Variants in MLLT1 observed in about 807,000 individuals in gnomAD.
The protein encoded by MLLT1 is protein ENL.
Under a neutral mutation model 55.1 loss-of-function variants are expected in MLLT1, and 11 were observed. The ratio of observed to expected loss-of-function variants is 0.20; its 90% CI spans 0.13 to 0.33. The LOEUF (loss-of-function observed/expected upper bound fraction) is 0.33, where lower values mean the gene tolerates loss of function less well. Ranked by LOEUF, MLLT1 falls within the 10% of genes least tolerant of loss-of-function variation. The probability of loss-of-function intolerance (pLI) is 1.00; values close to 1 mark genes in which losing one functional copy is unlikely to be tolerated. For synonymous variants in MLLT1, 323 were observed against 320.1 expected (o/e 1.01, Z -0.10); for missense variants, 536 against 760.6 (o/e 0.70, Z 3.47).
In MLLT1 at chr19:6,279,863, G is replaced by A. The variant is rs2091449742; in HGVS notation, c.-79C>T. ...CGCCGCCGCCGCTCAACGCCGCCCC[G>A]CCGCCCTCATTGTCTGTCAAGCGCC... is the stretch of plus-strand genomic sequence containing the variant. On this transcript the variant is annotated 5_prime_UTR_variant, in exon 1 of 12. Transcript: ENST00000252674. 6.7e-6 allele frequency: 1 copy of A among 149,106 alleles called. No homozygotes were observed. The highest frequency in any genetic ancestry group is 1.4e-5 in the Non-Finnish European group (1 of 72,130). The allele number at this position is 149,106 out of a possible 1,614,324, so 9.2% of individuals were successfully genotyped here.
chr19:6,276,998 T>C (rs186801406), intron 1 of MLLT1, among the ~76,000 whole-genome samples: 194 of 152,326 alleles, frequency 1.3e-3, no homozygotes, highest in Middle Eastern at 6.8e-3. Context: ...AGCCAGCGAC[T>C]GGGCGGAAAG....
At chr19:6,277,317 T>A (rs1182729425) in intron 1 of MLLT1, among the ~76,000 whole-genome samples, 1 of 152,170 alleles carries the variant, frequency 6.6e-6, no homozygotes, top group Non-Finnish European at 1.5e-5. Flanking sequence ...GCAGCTTCCC[T>A]TGCAAACACT....
chr19:6,254,338 T>C (rs1218231028), intron 3 of MLLT1, among the ~76,000 whole-genome samples: 1 of 152,216 alleles, frequency 6.6e-6, no homozygotes, highest in African/African-American at 2.4e-5. Flanking sequence ...TGGCCATTAC[T>C]GAATCGCACT....
chr19:6,269,735 G>A (rs113734100), intron 2 of MLLT1, among the ~76,000 whole-genome samples: 9,838 of 152,262 alleles, frequency 0.065, 414 homozygotes, highest in Non-Finnish European at 0.097. Flanking sequence ...CCGTATTGCA[G>A]GGTAGAGGGG....
At position 6,212,206 on chromosome 19, in the gene MLLT1, G is replaced by A. The variant is rs539352598; in HGVS notation, c.*836C>T. ...AGTAGAGCCCGAGAGCAGACTGGTG[G>A]CTCCCGGGCGCCCTGAGGACTCGCT... On this transcript the variant is annotated 3_prime_UTR_variant, in exon 12 of 12. Coordinates refer to ENST00000252674, the MANE Select transcript of MLLT1 (RefSeq NM_005934.4). 1 of 1,066,250 alleles carries A rather than the reference G, an allele frequency of 9.4e-7. No individual in the cohort carries two copies. The highest frequency in any genetic ancestry group is 4.6e-5 in the South Asian group (1 of 21,978). 66.0% of individuals were successfully genotyped at this position (1,066,250 alleles called of 1,614,324 possible). A position where few individuals can be genotyped will look rare whatever the true frequency, so the allele number is the denominator to read the frequency against.
rs944574832 is a variant in MLLT1 at position 6,222,855 on chromosome 19, C to T, written c.547-171G>A. ...GGTAAGGCAGTAGGTGAGAGTTTTA[C>T]ATGGAGCTGTCCCTTTAAACTACTA... On this transcript the variant is annotated intron_variant, in intron 5 of 11. Coordinates refer to ENST00000252674, the MANE Select transcript of MLLT1 (RefSeq NM_005934.4). This position sits in a 1 kb window ranked among gnomAD's most constrained non-coding sequence, Gnocchi z 4.1. 6.6e-6 allele frequency among the ~76,000 whole-genome samples: 1 copy of T among 152,228 alleles called. No individual in the cohort carries two copies. The highest frequency in any genetic ancestry group is 1.5e-5 in the Non-Finnish European group (1 of 68,032).
Position 6,235,304 on chromosome 19 carries a change from G to T in MLLT1, c.277-4591C>A, listed in dbSNP as rs1007087403. ...GGCATCCTCGTGCAGAAAGCCTGGG[G>T]CCTGAGGGACACCAGCAGGAGCCTG... On this transcript the variant is annotated intron_variant, in intron 3 of 11. Coordinates refer to ENST00000252674, the MANE Select transcript of MLLT1 (RefSeq NM_005934.4). This position sits in a 1 kb window ranked among gnomAD's most constrained non-coding sequence, Gnocchi z 5.5. 4.6e-5 allele frequency among the ~76,000 whole-genome samples: 7 copies of T among 152,214 alleles called. No homozygotes were observed. The highest frequency in any genetic ancestry group is 8.8e-5 in the Non-Finnish European group (6 of 68,028).
At position 6,211,593 on chromosome 19, in the gene MLLT1, C is replaced by T. The variant is rs1291447283; in HGVS notation, c.*1449G>A. ...AGGTGGGTTCGAGGGGGTGCGAGCC[C>T]ACCTCCAGGCCCTCAGCCCTCTTTT... On this transcript the variant is annotated 3_prime_UTR_variant, in exon 12 of 12. Transcript: ENST00000252674. The surrounding 1 kb of genome is among the most constrained non-coding windows in gnomAD (Gnocchi z 4.6). 1 of 1,065,316 alleles carries T rather than the reference C, an allele frequency of 9.4e-7. No homozygotes were observed. Among genetic ancestry groups the T allele is most frequent in the East Asian group, 5.0e-5 (1 of 20,088 alleles). 66.0% of individuals were successfully genotyped at this position (1,065,316 alleles called of 1,614,324 possible).
chr19:6,253,208 T>C (rs2091232852), intron 3 of MLLT1, among the ~76,000 whole-genome samples: 2 of 128,058 alleles, frequency 1.6e-5, no homozygotes, highest in Middle Eastern at 5.8e-3. Context: ...GAGCTTGCAG[T>C]GAGCCAAGAT....
chr19:6,242,195 C>T (rs1211501564), intron 3 of MLLT1, among the ~76,000 whole-genome samples: 3 of 152,196 alleles, frequency 2.0e-5, no homozygotes, highest in Non-Finnish European at 4.4e-5. Context: ...CCATATAGGG[C>T]AGCATTTGCA....
rs146185055 is a variant in MLLT1, at chr19:6,212,035, C to T, written c.*1007G>A. 589 of 1,066,028 alleles carry T rather than the reference C, an allele frequency of 5.5e-4. 2 individuals are homozygous for T. The African/African-American group carries it at 8.5e-3, about 15-fold the overall frequency. 66.0% of individuals were successfully genotyped at this position (1,066,028 alleles called of 1,614,324 possible). On this transcript the variant is annotated 3_prime_UTR_variant, in exon 12 of 12. Transcript: ENST00000252674. ...AATGCGCCTCAGAAAACTCCATAAACTATCCCGTCTTATTTGGCAAAAGCT... is the reference window on the plus strand; with the variant it reads ...AATGCGCCTCAGAAAACTCCATAAATTATCCCGTCTTATTTGGCAAAAGCT...
At chr19:6,247,135 C>T (rs1203582460) in intron 3 of MLLT1, among the ~76,000 whole-genome samples, 1 of 152,064 alleles carries the variant, frequency 6.6e-6, no homozygotes, top group Non-Finnish European at 1.5e-5. Flanking sequence ...CTCAGAGGAA[C>T]GTACGTTTGT....
Position 6,216,494 on chromosome 19 carries a change from C to A in MLLT1, c.1218G>T (p.Val406=). 3 of 1,600,948 alleles carry A rather than the reference C, an allele frequency of 1.9e-6. No individual in the cohort carries two copies. The highest frequency in any genetic ancestry group is 1.7e-6 in the Non-Finnish European group (2 of 1,174,692). ...CGGACTCCTCGGACTGCAGGTCCTCCACCATGGAGCGCAGGGGTCCTGGGG... is the reference window on the plus strand; with the variant it reads ...CGGACTCCTCGGACTGCAGGTCCTCAACCATGGAGCGCAGGGGTCCTGGGG... ...NHSQGPLRSM[V]EDLQSEESDE... Residue 406 remains valine (V), a synonymous_variant, in exon 8 of 12, where the codon GTG becomes GTT. Coordinates refer to ENST00000252674, the MANE Select transcript of MLLT1 (RefSeq NM_005934.4).
chr19:6,261,538 C>T (rs1395974104), intron 3 of MLLT1, among the ~76,000 whole-genome samples: 5 of 151,674 alleles, frequency 3.3e-5, no homozygotes, highest in East Asian at 1.9e-4. Context: ...GGAAAGCAGC[C>T]GGCCATGGAC....
At chr19:6,224,753 G>A (rs990786881) in intron 5 of MLLT1, among the ~76,000 whole-genome samples, 4 of 152,164 alleles carry the variant, frequency 2.6e-5, no homozygotes, top group Admixed American at 6.5e-5. Flanking sequence ...GTTTTGAGAC[G>A]GAGTCTTGTT....
chr19:6,218,124 A>G (rs1359378584), intron 6 of MLLT1, 83 bp from the exon 7 acceptor site: 17 of 1,512,762 alleles, frequency 1.1e-5, no homozygotes, highest in Non-Finnish European at 1.5e-5. Context: ...GCCCCCTGGC[A>G]GCAGCTACGC....
rs570005973 is a variant in MLLT1, at chr19:6,229,870, G to A, written c.420+700C>T. ...ACATGACACACCACACACCGCACAC[G>A]ACACACAACACGCCACCCCAGCCCG... is the stretch of plus-strand genomic sequence containing the variant. On this transcript the variant is annotated intron_variant, in intron 4 of 11. Coordinates refer to ENST00000252674, the MANE Select transcript of MLLT1 (RefSeq NM_005934.4). The surrounding 1 kb of genome is among the most constrained non-coding windows in gnomAD (Gnocchi z 5.2). Among the ~76,000 whole-genome samples, 2 of 151,684 alleles carry A rather than the reference G, an allele frequency of 1.3e-5. No homozygotes were observed. Among genetic ancestry groups the A allele is most frequent in the African/African-American group, 2.4e-5 (1 of 41,330 alleles).
chr19:6,278,119 G>A (rs2091436474), intron 1 of MLLT1, among the ~76,000 whole-genome samples: 1 of 152,218 alleles, frequency 6.6e-6, no homozygotes, highest in African/African-American at 2.4e-5. Flanking sequence ...CACTTCAGTG[G>A]CGCCAGCAGC....
At position 6,241,400 on chromosome 19, in the gene MLLT1, T is replaced by C. The variant is rs187131259; in HGVS notation, c.277-10687A>G. The stretch of plus-strand genomic sequence containing the variant: ...AGCCACAGGGCAGATGCCTTCGTCC[T>C]GTACAGGAGGCACAAACAGTCGGAA... On this transcript the variant is annotated intron_variant, in intron 3 of 11. Transcript: ENST00000252674. Among the ~76,000 whole-genome samples, 193 of 144,930 alleles carry C rather than the reference T, an allele frequency of 1.3e-3. 1 individual carries two copies. The highest frequency in any genetic ancestry group is 5.0e-3 in the African/African-American group (180 of 35,882).
Sources: gnomAD v4.1 joint callset for allele counts (sites outside exome capture counted in the v4.1 genomes callset) on GRCh38, gnomAD v4.1.1 for gene constraint, Gnocchi (gnomAD v3.1) non-coding constraint, MANE v1.5 for transcripts, NCBI Gene and HGNC (gene_info 2026-07-23, HGNC 2026-07-21) for gene names.